The following H2BC4 variants were observed in gnomAD, a reference collection of about 807,000 sequenced individuals.
The protein encoded by H2BC4 is H2B clustered histone 4.
Under a neutral mutation model 6.2 loss-of-function variants are expected in H2BC4, and 10 were observed. The observed-to-expected ratio is 1.61, with a 90% CI of 0.99 to 2.73. H2BC4 has a LOEUF of 2.73. H2BC4 is among the 30% of genes most tolerant of loss of function. The probability of loss-of-function intolerance (pLI) is 0.00; values close to 1 mark genes in which losing one functional copy is unlikely to be tolerated. For synonymous variants in H2BC4, 146 were observed against 70.7 expected (o/e 2.07, Z -5.35); for missense variants, 176 against 168.7 (o/e 1.04, Z -0.24).
downstream of H2BC4, among the ~76,000 whole-genome samples, chr6:26,114,612 T>G (rs1763396695): frequency 6.6e-6 from 1 of 152,074 alleles, no homozygotes; most frequent in Non-Finnish European, 1.5e-5. Flanking sequence ...GAAATAATAT[T>G]TGAACAAAGA....
intron 1 of H2BC4, among the ~76,000 whole-genome samples, chr6:26,116,566 G>A (rs1463095124): frequency 6.6e-6 from 1 of 152,118 alleles, no homozygotes; most frequent in East Asian, 1.9e-4. Context: ...GCATGGTGGT[G>A]TGCACCTGCT....
chr6:26,120,458 A>G (rs1763483626), downstream of H2BC4, among the ~76,000 whole-genome samples: 1 of 152,222 alleles, frequency 6.6e-6, no homozygotes, highest in African/African-American at 2.4e-5. Flanking sequence ...CAAAAAAAAA[A>G]AAAAGATAGT....
downstream of H2BC4, among the ~76,000 whole-genome samples, chr6:26,113,420 T>C (rs1381330214): frequency 6.6e-6 from 1 of 152,226 alleles, no homozygotes; most frequent in Non-Finnish European, 1.5e-5. Context: ...ATTTGTCTCC[T>C]GGTAAGACAT....
In H2BC4 at chr6:26,123,785, C is replaced by G. The variant is rs771607641; in HGVS notation, c.120G>C (p.Val40=). 4 of 1,614,270 alleles carry G rather than the reference C, an allele frequency of 2.5e-6. No individual in the cohort carries two copies. The South Asian group carries it at 4.4e-5, about 18-fold the overall frequency. ...RKRSRKESYS[V]YVYKVLKQVH... ...CCTGTTTCAGCACCTTGTACACGTA[C>G]ACAGAGTAACTCTCCTTGCGGCTGC... The change falls in exon 1 of 1, where the codon GTG becomes GTC. Residue 40 remains valine (V), a synonymous_variant. Transcript: ENST00000396984.
chr6:26,117,398 GA>G (rs1318040575), intron 1 of H2BC4, among the ~76,000 whole-genome samples: 1 of 152,172 alleles, frequency 6.6e-6, no homozygotes, highest in Non-Finnish European at 1.5e-5. Context: ...AAGGTATAGA[GA>G]AGGATACTAA....
rs370298383 is a variant in H2BC4, at chr6:26,123,872, C to G, written c.33G>C (p.Pro11=). MPEPAKSAPA[P]KKGSKKAVTK... Reference sequence around the variant, plus strand: ...TCACTGCCTTCTTGGAGCCCTTCTTCGGGGCGGGAGCAGACTTGGCTGGCT... The same window carrying G: ...TCACTGCCTTCTTGGAGCCCTTCTTGGGGGCGGGAGCAGACTTGGCTGGCT... Residue 11 remains proline (P), a synonymous_variant, in exon 1 of 1, where the codon CCG becomes CCC. Transcript: ENST00000396984. 6.8e-6 allele frequency: 11 copies of G among 1,614,074 alleles called. No individual in the cohort carries two copies. The highest frequency in any genetic ancestry group is 1.6e-4 in the Middle Eastern group (1 of 6,084).
chr6:26,123,922 G>A lies in H2BC4; in HGVS notation c.-18C>T, dbSNP rs1763564932. 8 of 1,610,020 alleles carry A rather than the reference G, an allele frequency of 5.0e-6. No individual in the cohort carries two copies. Among genetic ancestry groups the A allele is most frequent in the Middle Eastern group, 1.7e-4 (1 of 6,038 alleles). Reference sequence around the variant, plus strand: ...TCAGGCATCTTAAAACACCAGAAATGTGTCGAAAGTAAAGAGCGGATTTCT... The same window carrying A: ...TCAGGCATCTTAAAACACCAGAAATATGTCGAAAGTAAAGAGCGGATTTCT... On this transcript the variant is annotated 5_prime_UTR_variant, in exon 1 of 1. Coordinates refer to ENST00000396984, the MANE Select transcript of H2BC4 (RefSeq NM_003526.3).
At chr6:26,119,175 A>G (rs1215155072), downstream of H2BC4, among the ~76,000 whole-genome samples, 1 of 152,094 alleles carries the variant, frequency 6.6e-6, no homozygotes, top group Admixed American at 6.6e-5. Context: ...CATGACGAAA[A>G]CAGAGGCAGT....
intron 1 of H2BC4, among the ~76,000 whole-genome samples, chr6:26,116,477 A>AGG (rs1381855485): frequency 5.9e-5 from 9 of 152,004 alleles, no homozygotes; most frequent in Non-Finnish European, 1.3e-4. Context: ...AGGATCACTT[A>AGG]AGCCCAGGAG....
At chr6:26,119,602 G>A (rs1763471977), downstream of H2BC4, among the ~76,000 whole-genome samples, 1 of 151,862 alleles carries the variant, frequency 6.6e-6, no homozygotes, top group Non-Finnish European at 1.5e-5. Context: ...TACAATTTTA[G>A]AATAATAAAT....
rs370776308 is a variant in H2BC4 at position 26,123,734 on chromosome 6, G to C, written c.171C>G (p.Ser57=). 6.2e-7 allele frequency: 1 copy of C among 1,614,262 alleles called. No homozygotes were observed. Among genetic ancestry groups the C allele is most frequent in the Non-Finnish European group, 8.5e-7 (1 of 1,180,048 alleles). The stretch of plus-strand genomic sequence containing the variant: ...AAGAATTCATGATGCCCATGGCCTT[G>C]GAAGAGATGCCAGTGTCGGGATGGA... ...KQVHPDTGIS[S]KAMGIMNSFV... Residue 57 remains serine (S), a synonymous_variant, in exon 1 of 1, where the codon TCC becomes TCG. Coordinates refer to ENST00000396984, the MANE Select transcript of H2BC4 (RefSeq NM_003526.3).
Position 26,123,791 on chromosome 6 carries a change from G to T in H2BC4, c.114C>A (p.Tyr38Ter), listed in dbSNP as rs373045867. 6.2e-7 allele frequency: 1 copy of T among 1,614,278 alleles called. No homozygotes were observed. The highest frequency in any genetic ancestry group is 1.3e-5 in the African/African-American group (1 of 75,084). The change falls in exon 1 of 1, where the codon TAC becomes TAA. Residue 38 changes from tyrosine (Y) to a stop codon, truncating the protein, a stop_gained. Transcript: ENST00000396984. LOFTEE classifies it high-confidence loss of function. ...TCAGCACCTTGTACACGTACACAGA[G>T]TAACTCTCCTTGCGGCTGCGCTTGC... ...KKRKRSRKESYSVYVYKVLKQ... is the reference protein window; with the variant it reads ...KKRKRSRKES
Position 26,123,806 on chromosome 6 carries a change from GCTGCGCTTGCGCTTCTTGCCATCTTTCTT to G in H2BC4, c.70_98del (p.Lys24ProfsTer35). ...CGTACACAGAGTAACTCTCCTTGCG[GCTGCGCTTGCGCTTCTTGCCATCTTTCTT>G]CTGCGCTTTGGTCACTGCCTTCTTG... is the stretch of plus-strand genomic sequence containing the variant. On this transcript the variant is annotated frameshift_variant, in exon 1 of 1. Transcript: ENST00000396984. LOFTEE classifies it high-confidence loss of function. 1 of 1,614,258 alleles carries G rather than the reference GCTGCGCTTGCGCTTCTTGCCATCTTTCTT, an allele frequency of 6.2e-7. No individual in the cohort carries two copies. The highest frequency in any genetic ancestry group is 8.5e-7 in the Non-Finnish European group (1 of 1,180,052).
downstream of H2BC4, among the ~76,000 whole-genome samples, chr6:26,120,316 T>C (rs552881503): frequency 6.6e-6 from 1 of 151,992 alleles, no homozygotes; most frequent in Non-Finnish European, 1.5e-5. Context: ...CCAGGCGTGG[T>C]GGTGCACCTG....
downstream of H2BC4, among the ~76,000 whole-genome samples, chr6:26,120,569 A>C (rs1246845986): frequency 6.6e-6 from 1 of 152,236 alleles, no homozygotes; most frequent in East Asian, 1.9e-4. Context: ...CATGTTGATC[A>C]GTTAAAGAAA....
chr6:26,122,034 CAA>C (rs113926427), downstream of H2BC4, among the ~76,000 whole-genome samples: 3,790 of 103,720 alleles, frequency 0.037, 136 homozygotes, highest in African/African-American at 0.11. Flanking sequence ...GCCTGGGAAA[CAA>C]GAGAGAAACT....
downstream of H2BC4, among the ~76,000 whole-genome samples, chr6:26,120,779 A>C (rs1763487485): frequency 6.6e-6 from 1 of 151,812 alleles, no homozygotes; most frequent in African/African-American, 2.4e-5. Context: ...TTTTTCCCTG[A>C]CTCAATAGTC....
downstream of H2BC4, among the ~76,000 whole-genome samples, chr6:26,113,391 T>C (rs999511237): frequency 6.6e-6 from 1 of 152,228 alleles, no homozygotes; most frequent in Non-Finnish European, 1.5e-5. Context: ...TGTTAGATCA[T>C]ATTTATTCAA....
At chr6:26,113,723 A>C (rs1763386900), downstream of H2BC4, among the ~76,000 whole-genome samples, 3 of 152,164 alleles carry the variant, frequency 2.0e-5, no homozygotes, top group African/African-American at 7.2e-5. Context: ...ACAGTTCTGG[A>C]GGCTGGAAGT....
Sources: gnomAD v4.1 joint callset for allele counts (sites outside exome capture counted in the v4.1 genomes callset) on GRCh38, gnomAD v4.1.1 for gene constraint, MANE v1.5 for transcripts, NCBI Gene and HGNC (gene_info 2026-07-23, HGNC 2026-07-21) for gene names.